The following NACC2 variants were observed in gnomAD, a reference collection of about 807,000 sequenced individuals.
The protein encoded by NACC2 is nucleus accumbens-associated protein 2.
NACC2 carries 8 observed loss-of-function variants against 25.1 expected under a neutral mutation model. The observed-to-expected ratio is 0.32, with a 90% CI of 0.19 to 0.57. NACC2 has a LOEUF of 0.57. Among genes scored for constraint, NACC2 ranks in the 20% least tolerant of loss-of-function variants. The pLI is 0.89. For missense variants in NACC2, 644 were observed against 650.2 expected (o/e 0.99, Z 0.10); for synonymous variants, 435 against 294.7 (o/e 1.48, Z -4.88).
intron 1 of NACC2, among the ~76,000 whole-genome samples, chr9:136,053,502 C>T (rs961241207): frequency 2.8e-4 from 42 of 152,308 alleles, no homozygotes; most frequent in African/African-American, 9.6e-4. Context: ...TCACCCTCCC[C>T]GCCACACCCT....
rs1025249771 is a variant in NACC2, at chr9:136,094,576, G to A, written c.-60+613C>T. On this transcript the variant is annotated intron_variant, in intron 1 of 5. Coordinates refer to ENST00000277554, the MANE Select transcript of NACC2 (RefSeq NM_144653.5). ...GGCACAGAAGCTGGCAAGAGGCAGA[G>A]CCCCCTCCCCCTGCGGCCGGACCCC... is the stretch of plus-strand genomic sequence containing the variant. Among the ~76,000 whole-genome samples, 3 of 152,282 alleles carry A rather than the reference G, an allele frequency of 2.0e-5. No homozygotes were observed. In the East Asian group the frequency reaches 5.8e-4, roughly 30 times the overall value.
intron 2 of NACC2, among the ~76,000 whole-genome samples, chr9:136,025,320 C>G (rs1039460843): frequency 4.6e-5 from 7 of 152,188 alleles, no homozygotes; most frequent in African/African-American, 1.7e-4. Flanking sequence ...CACCTGTTTT[C>G]ACACGATGTC....
intron 3 of NACC2, 25 bp downstream of exon 3, chr9:136,016,240 A>G (rs1336795834): frequency 1.2e-6 from 2 of 1,611,868 alleles, no homozygotes; most frequent in African/African-American, 2.7e-5. Context: ...TTTGCATACA[A>G]TAGATGGGTG....
intron 2 of NACC2, among the ~76,000 whole-genome samples, chr9:136,044,196 T>C (rs956797177): frequency 0.014 from 2,187 of 152,172 alleles, 56 homozygotes; most frequent in African/African-American, 0.05. Flanking sequence ...ACACCACAGA[T>C]GCACCATATC....
At chr9:136,062,172 C>CAGGACAGGACAGGACAGGAA (rs1554741080) in intron 1 of NACC2, among the ~76,000 whole-genome samples, 22 of 97,796 alleles carry the variant, frequency 2.2e-4, no homozygotes, top group East Asian at 1.5e-3. Flanking sequence ...CAGGACAGGA[C>CAGGACAGGACAGGACAGGAA]AGGAAAGGAA....
rs1195508275 is a variant in NACC2 at position 136,055,442 on chromosome 9, C to T, written c.-59-4862G>A. ...CCAGAGGACTGGGACAGGGACCAGT[C>T]AGGCAGCCCAACAGGAGGAGCCCTT... On this transcript the variant is annotated intron_variant, in intron 1 of 5. Coordinates refer to ENST00000277554, the MANE Select transcript of NACC2 (RefSeq NM_144653.5). The surrounding 1 kb of genome is among the most constrained non-coding windows in gnomAD (Gnocchi z 4.9). Among the ~76,000 whole-genome samples the T allele has an allele frequency of 6.6e-6, 1 of 152,160 alleles. No individual in the cohort carries two copies. The highest frequency in any genetic ancestry group is 1.5e-5 in the Non-Finnish European group (1 of 68,026).
intron 2 of NACC2, among the ~76,000 whole-genome samples, chr9:136,035,216 A>G (rs1840533396): frequency 6.6e-6 from 1 of 152,176 alleles, no homozygotes; most frequent in Non-Finnish European, 1.5e-5. Context: ...GGATATTTAC[A>G]CAGCCTCTTC....
chr9:136,042,875 G>C (rs1164990713), intron 2 of NACC2, among the ~76,000 whole-genome samples: 1 of 140,262 alleles, frequency 7.1e-6, no homozygotes, highest in Non-Finnish European at 1.5e-5. Context: ...GAGACAAACA[G>C]ACACACACAC....
chr9:136,053,429 G>A (rs1172769353), intron 1 of NACC2, among the ~76,000 whole-genome samples: 1 of 152,078 alleles, frequency 6.6e-6, no homozygotes. Flanking sequence ...TTACAGAAAC[G>A]TCCCCACTCG....
At chr9:136,093,850 C>T (rs2131195765) in intron 1 of NACC2, among the ~76,000 whole-genome samples, 1 of 152,264 alleles carries the variant, frequency 6.6e-6, no homozygotes, top group South Asian at 2.1e-4. Context: ...TGAACCCTGA[C>T]CTAACTCTAG....
At position 136,043,618 on chromosome 9, in the gene NACC2, C is replaced by T. The variant is rs1027800555; in HGVS notation, c.886+6018G>A. Among the ~76,000 whole-genome samples the T allele has an allele frequency of 1.1e-4, 17 of 152,316 alleles. No homozygotes were observed. In the East Asian group the frequency reaches 3.3e-3, roughly 29 times the overall value. On this transcript the variant is annotated intron_variant, in intron 2 of 5. Transcript: ENST00000277554. The stretch of plus-strand genomic sequence containing the variant: ...GGATCTACCGCTGCACGGTCTCACG[C>T]ACAGGGATCCTATGAGAAGCAAAAG...
intron 2 of NACC2, among the ~76,000 whole-genome samples, chr9:136,029,930 T>G (rs957557322): frequency 6.6e-6 from 1 of 152,150 alleles, no homozygotes; most frequent in Non-Finnish European, 1.5e-5. Flanking sequence ...ACGGGTGGAA[T>G]GAGCCCAGCA....
chr9:136,011,808 A>C lies in NACC2; in HGVS notation c.1472T>G (p.Phe491Cys). ...PEFPPAAAQV[F>C]EQRIYAERRG... ...CCGCTCGGCGTAGATGCGTTGCTCG[A>C]ACACCTGTGCCGCGGCAGGCGGGAA... The change falls in exon 6 of 6, where the codon TTC (phenylalanine) becomes TGC (cysteine). Residue 491 changes from phenylalanine (F) to cysteine (C), a missense_variant. Physicochemically the swap from Phe to Cys is radical, Grantham distance 205. Coordinates refer to ENST00000277554, the MANE Select transcript of NACC2 (RefSeq NM_144653.5). 1 of 1,580,684 alleles carries C rather than the reference A, an allele frequency of 6.3e-7. No homozygotes were observed. Among genetic ancestry groups the C allele is most frequent in the Non-Finnish European group, 8.6e-7 (1 of 1,164,860 alleles).
intron 1 of NACC2, among the ~76,000 whole-genome samples, chr9:136,068,577 C>A (rs1310489235): frequency 6.6e-6 from 1 of 151,394 alleles, no homozygotes; most frequent in Non-Finnish European, 1.5e-5. Flanking sequence ...AATTTTTCAG[C>A]TCTATGATAA....
At chr9:136,076,036 C>T (rs967617060) in intron 1 of NACC2, among the ~76,000 whole-genome samples, 4 of 152,058 alleles carry the variant, frequency 2.6e-5, no homozygotes, top group Non-Finnish European at 5.9e-5. Flanking sequence ...CGTGTGGTCA[C>T]GAAGAGATCC....
intron 1 of NACC2, among the ~76,000 whole-genome samples, chr9:136,083,706 T>C (rs1341774770): frequency 6.6e-6 from 1 of 152,210 alleles, no homozygotes; most frequent in Admixed American, 6.5e-5. Flanking sequence ...CACTGTGGCC[T>C]GGGGCTTTTG....
chr9:136,021,865 A>C (rs1840300043), intron 2 of NACC2, among the ~76,000 whole-genome samples: 1 of 152,216 alleles, frequency 6.6e-6, no homozygotes, highest in Non-Finnish European at 1.5e-5. Context: ...TGGTGATCCC[A>C]TTTGTATGAC....
intron 1 of NACC2, among the ~76,000 whole-genome samples, chr9:136,080,886 C>A (rs1464098781): frequency 6.6e-6 from 1 of 152,168 alleles, no homozygotes; most frequent in Admixed American, 6.5e-5. Context: ...GCAGAGCCGC[C>A]CCTGCGTGCT....
intron 1 of NACC2, among the ~76,000 whole-genome samples, chr9:136,068,044 C>G (rs1358977112): frequency 1.3e-5 from 2 of 152,188 alleles, no homozygotes; most frequent in African/African-American, 4.8e-5. Flanking sequence ...AATGGTACAA[C>G]TCTATAGGAC....
Sources: gnomAD v4.1 joint callset for allele counts (sites outside exome capture counted in the v4.1 genomes callset) on GRCh38, gnomAD v4.1.1 for gene constraint, Gnocchi (gnomAD v3.1) non-coding constraint, MANE v1.5 for transcripts, NCBI Gene and HGNC (gene_info 2026-07-23, HGNC 2026-07-21) for gene names.